ARMH1: variants seen among roughly 807,000 people sequenced by gnomAD.
ARMH1 encodes armadillo-like helical domain containing protein 1.
In ARMH1, 34 loss-of-function variants were observed where a neutral mutation model predicts 50.2. That is an observed-to-expected ratio of 0.68 (90% CI 0.51 to 0.90). The LOEUF (loss-of-function observed/expected upper bound fraction) is 0.90, where lower values mean the gene tolerates loss of function less well. Among genes scored for constraint, ARMH1 ranks in the 40% least tolerant of loss-of-function variants. ARMH1 has a pLI of 0.00. For synonymous variants in ARMH1, 221 were observed against 224.2 expected (o/e 0.99, Z 0.13); for missense variants, 538 against 553.9 (o/e 0.97, Z 0.29).
chr1:44,709,327 T>G (rs767242671), intron 6 of ARMH1, among the ~76,000 whole-genome samples: 6 of 152,208 alleles, frequency 3.9e-5, no homozygotes, highest in Non-Finnish European at 7.3e-5. Flanking sequence ...CTAACAGACA[T>G]CTTAAATTTA....
chr1:44,698,325 T>C (rs1421672312), intron 4 of ARMH1, 96 bp downstream of exon 4: 1 of 1,153,558 alleles, frequency 8.7e-7, no homozygotes, highest in East Asian at 2.8e-5. Flanking sequence ...ATCATGAAAC[T>C]GGTTGAACAG....
Position 44,725,138 on chromosome 1 carries a change from C to T in ARMH1, c.1131C>T (p.Ser377=). ...MGEELYQLFL[S]NAEDLYMKID... ...GTCCCCCTTGCTCCTGTCCTCAGAG[C>T]AACGCTGAGGACTTGTACATGAAAA... Residue 377 remains serine, a splice_region_variant and synonymous_variant, in exon 11 of 12, where the codon AGC becomes AGT. Coordinates refer to ENST00000535358, the MANE Select transcript of ARMH1 (RefSeq NM_001145636.2). 1 of 1,551,916 alleles carries T rather than the reference C, an allele frequency of 6.4e-7. No individual in the cohort carries two copies. Among genetic ancestry groups the T allele is most frequent in the Non-Finnish European group, 8.7e-7 (1 of 1,147,026 alleles).
chr1:44,684,758 C>T (rs1645414542), intron 1 of ARMH1: 1 of 152,244 alleles, frequency 6.6e-6, no homozygotes, highest in African/African-American at 2.4e-5. Flanking sequence ...TCTAAACTTT[C>T]TTGCTGCATG....
intron 6 of ARMH1, among the ~76,000 whole-genome samples, chr1:44,721,445 C>T (rs1234675514): frequency 3.9e-5 from 6 of 151,994 alleles, no homozygotes; most frequent in East Asian, 3.8e-4. Flanking sequence ...GGAACTAGCA[C>T]ACTAGAAAGA....
intron 2 of ARMH1, among the ~76,000 whole-genome samples, chr1:44,695,929 A>C (rs988312536): frequency 1.2e-4 from 16 of 137,084 alleles, no homozygotes; most frequent in Non-Finnish European, 1.6e-5. Flanking sequence ...TGGGCAACAG[A>C]GTGAGACCCT....
At position 44,724,650 on chromosome 1, in the gene ARMH1, G is replaced by C; in HGVS notation, c.1032G>C (p.Leu344=). The change falls in exon 9 of 12, where the codon CTG becomes CTC. Residue 344 remains leucine (L), a synonymous_variant. Coordinates refer to ENST00000535358, the MANE Select transcript of ARMH1 (RefSeq NM_001145636.2). The surrounding 1 kb of genome is among the most constrained non-coding windows in gnomAD (Gnocchi z 6.4). ...GNTDHSNSQR[L]ASLTLECFVQ... ...CGGACCACAGCAACAGCCAGCGGCT[G>C]GCCAGCCTCACGCTGGAGGTGCGCG... 1 of 1,501,350 alleles carries C rather than the reference G, an allele frequency of 6.7e-7. No homozygotes were observed. Among genetic ancestry groups the C allele is most frequent in the Non-Finnish European group, 8.8e-7 (1 of 1,130,268 alleles). 93.0% of individuals were successfully genotyped at this position (1,501,350 alleles called of 1,614,324 possible). A position where few individuals can be genotyped will look rare whatever the true frequency, so the allele number is the denominator to read the frequency against.
At chr1:44,697,748 C>CT (rs1280623172) in intron 3 of ARMH1, among the ~76,000 whole-genome samples, 1 of 152,148 alleles carries the variant, frequency 6.6e-6, no homozygotes, top group East Asian at 1.9e-4. Context: ...GTGACATACC[C>CT]TGTCACCTCC....
At chr1:44,702,602 C>T (rs1646134043) in intron 5 of ARMH1, among the ~76,000 whole-genome samples, 1 of 150,864 alleles carries the variant, frequency 6.6e-6, no homozygotes, top group African/African-American at 2.4e-5. Context: ...ATCCCAGCTA[C>T]TCGGGAGGCT....
At chr1:44,693,941 CG>C (rs773512345) in intron 2 of ARMH1, among the ~76,000 whole-genome samples, 1 of 152,146 alleles carries the variant, frequency 6.6e-6, no homozygotes, top group Non-Finnish European at 1.5e-5. Flanking sequence ...TACCTTTTCC[CG>C]CTGTTTCTCA....
chr1:44,680,180 T>A (rs1245057136), intron 1 of ARMH1, among the ~76,000 whole-genome samples: 1 of 152,094 alleles, frequency 6.6e-6, no homozygotes, highest in Non-Finnish European at 1.5e-5. Context: ...TGTTTGTTTG[T>A]TTGTTTGTTT....
Position 44,724,037 on chromosome 1 carries a change from G to A in ARMH1, c.725-85G>A. On this transcript the variant is annotated intron_variant, in intron 6 of 11. Coordinates refer to ENST00000535358, the MANE Select transcript of ARMH1 (RefSeq NM_001145636.2). This position sits in a 1 kb window ranked among gnomAD's most constrained non-coding sequence, Gnocchi z 6.4. The stretch of plus-strand genomic sequence containing the variant: ...CAGTAAAAGAGGAGGACACTGACGA[G>A]TGGCGACTTGGTTCACGGGGTTCTT... 6.7e-7 allele frequency: 1 copy of A among 1,492,000 alleles called. No individual in the cohort carries two copies. Among genetic ancestry groups the A allele is most frequent in the South Asian group, 1.3e-5 (1 of 76,056 alleles). 92.4% of individuals were successfully genotyped at this position (1,492,000 alleles called of 1,614,324 possible).
At chr1:44,680,834 T>G (rs1573279071) in intron 1 of ARMH1, among the ~76,000 whole-genome samples, 1 of 152,194 alleles carries the variant, frequency 6.6e-6, no homozygotes, top group South Asian at 2.1e-4. Context: ...TTCCTCCCCG[T>G]CTTTTATCTT....
At chr1:44,709,300 G>T (rs1216796543) in intron 6 of ARMH1, among the ~76,000 whole-genome samples, 1 of 151,852 alleles carries the variant, frequency 6.6e-6, no homozygotes, top group Non-Finnish European at 1.5e-5. Context: ...TCCCTAAGTG[G>T]TTTCCCATGT....
At chr1:44,710,910 C>A (rs1462020851) in intron 6 of ARMH1, among the ~76,000 whole-genome samples, 4 of 152,202 alleles carry the variant, frequency 2.6e-5, no homozygotes, top group African/African-American at 9.7e-5. Context: ...TATGGATTTA[C>A]CTATTCCATA....
intron 1 of ARMH1, chr1:44,684,396 C>T (rs1645403103): frequency 6.6e-6 from 1 of 152,092 alleles, no homozygotes; most frequent in Non-Finnish European, 1.5e-5. Flanking sequence ...ACCTTAGTGA[C>T]ATAACCCCGC....
At chr1:44,716,733 C>T (rs765831413) in intron 6 of ARMH1, among the ~76,000 whole-genome samples, 4 of 152,218 alleles carry the variant, frequency 2.6e-5, no homozygotes, top group African/African-American at 4.8e-5. Flanking sequence ...CTACACCAAT[C>T]TTCATCTGTC....
At chr1:44,719,023 C>T (rs1646968742) in intron 6 of ARMH1, among the ~76,000 whole-genome samples, 2 of 83,032 alleles carry the variant, frequency 2.4e-5, no homozygotes, top group African/African-American at 7.1e-5. Flanking sequence ...GAAACTGTCT[C>T]GGAAAAAAAA....
chr1:44,697,061 G>A, intron 2 of ARMH1, 41 bp from the exon 3 acceptor site: 1 of 1,513,436 alleles, frequency 6.6e-7, no homozygotes, highest in Non-Finnish European at 9.0e-7. Flanking sequence ...GCTTCTGTGT[G>A]AAAAACCACC....
chr1:44,701,413 G>A (rs1015091485), intron 5 of ARMH1, among the ~76,000 whole-genome samples: 10 of 152,092 alleles, frequency 6.6e-5, no homozygotes, highest in African/African-American at 1.9e-4. Flanking sequence ...TAAAGGAGTC[G>A]ATTTGATAGG....
Sources: gnomAD v4.1 joint callset for allele counts (sites outside exome capture counted in the v4.1 genomes callset) on GRCh38, gnomAD v4.1.1 for gene constraint, Gnocchi (gnomAD v3.1) non-coding constraint, MANE v1.5 for transcripts, NCBI Gene and HGNC (gene_info 2026-07-23, HGNC 2026-07-21) for gene names.